The following TG variants were observed in gnomAD, a reference collection of about 807,000 sequenced individuals.
The protein encoded by TG is thyroid hormones.
In TG, 270 loss-of-function variants were observed where a neutral mutation model predicts 324.7. That is an observed-to-expected ratio of 0.83 (90% CI 0.75 to 0.92). The LOEUF (loss-of-function observed/expected upper bound fraction) is 0.92, where lower values mean the gene tolerates loss of function less well. Ranked by LOEUF, TG falls within the 40% of genes least tolerant of loss-of-function variation. The probability of loss-of-function intolerance (pLI) is 0.00; values close to 1 mark genes in which losing one functional copy is unlikely to be tolerated. For missense variants in TG, 3,591 were observed against 3,456.4 expected (o/e 1.04, Z -0.98); for synonymous variants, 1,401 against 1,327.0 (o/e 1.06, Z -1.21).
At chr8:132,942,536 T>C (rs568252098) in intron 26 of TG, among the ~76,000 whole-genome samples, 1 of 152,342 alleles carries the variant, frequency 6.6e-6, no homozygotes, top group South Asian at 2.1e-4. Flanking sequence ...TTGATCACCA[T>C]ATATGTGCAA....
At chr8:132,918,894 T>G (rs1455805467) in intron 20 of TG, among the ~76,000 whole-genome samples, 1 of 152,228 alleles carries the variant, frequency 6.6e-6, no homozygotes, top group Non-Finnish European at 1.5e-5. Flanking sequence ...GAGGCTCAGC[T>G]TTCTCAACTG....
intron 25 of TG, among the ~76,000 whole-genome samples, chr8:132,939,848 T>G (rs1231116853): frequency 6.6e-6 from 1 of 152,058 alleles, no homozygotes; most frequent in Non-Finnish European, 1.5e-5. Context: ...GGCTAATTTT[T>G]GTATTGTTAG....
chr8:133,044,757 C>T (rs1425216075), intron 41 of TG, among the ~76,000 whole-genome samples: 3 of 152,140 alleles, frequency 2.0e-5, no homozygotes, highest in African/African-American at 4.8e-5. Context: ...ATGTACACTT[C>T]GAGAGAGGGC....
At chr8:132,975,961 G>A (rs1830121829) in intron 34 of TG, among the ~76,000 whole-genome samples, 1 of 152,138 alleles carries the variant, frequency 6.6e-6, no homozygotes, top group Middle Eastern at 3.2e-3. Context: ...ACTTTACTGA[G>A]TGTCTGTTTT....
chr8:132,935,672 G>T, intron 24 of TG, 84 bp from the exon 25 acceptor site: 1 of 1,248,516 alleles, frequency 8.0e-7, no homozygotes, highest in Non-Finnish European at 1.2e-6. Context: ...CTGGTGCCTA[G>T]CCATGGTTAG....
At chr8:133,103,398 C>A (rs1045352900) in intron 43 of TG, among the ~76,000 whole-genome samples, 1 of 152,152 alleles carries the variant, frequency 6.6e-6, no homozygotes, top group African/African-American at 2.4e-5. Context: ...CACATTACCC[C>A]TCACAGCTGA....
chr8:132,887,354 A>T lies in TG; in HGVS notation c.1982A>T (p.Asp661Val). ...VRGGQPRCPT[D>V]CEKQRARMQS... ...GGTGGACAGCCAAGGTGCCCCACAGACTGTGAAAAGCAAAGGGCTCGCATG... is the reference window on the plus strand; with the variant it reads ...GGTGGACAGCCAAGGTGCCCCACAGTCTGTGAAAAGCAAAGGGCTCGCATG... The change falls in exon 9 of 48, where the codon GAC becomes GTC. Residue 661 changes from aspartate to valine, a missense_variant. By Grantham distance (152) the Asp-to-Val change is radical. Coordinates refer to ENST00000220616, the MANE Select transcript of TG (RefSeq NM_003235.5). The T allele has an allele frequency of 6.2e-7, 1 of 1,613,686 alleles. No individual in the cohort carries two copies. Among genetic ancestry groups the T allele is most frequent in the Non-Finnish European group, 8.5e-7 (1 of 1,179,636 alleles).
chr8:132,871,834 C>T (rs1048898031), intron 4 of TG, among the ~76,000 whole-genome samples: 5 of 152,130 alleles, frequency 3.3e-5, no homozygotes, highest in Admixed American at 6.5e-5. Flanking sequence ...CTAACTGTCA[C>T]GTGTATAGTA....
chr8:133,031,867 T>A (rs1310694157), intron 41 of TG, among the ~76,000 whole-genome samples: 1 of 152,136 alleles, frequency 6.6e-6, no homozygotes, highest in Non-Finnish European at 1.5e-5. Flanking sequence ...GCCCTACTTT[T>A]CCTTTAGAGA....
chr8:133,001,684 G>C (rs557456193), intron 35 of TG: 2 of 929,198 alleles, frequency 2.2e-6, no homozygotes, highest in Admixed American at 6.2e-5. Context: ...ACAGGGAGAC[G>C]TGAGCTGGGC....
At chr8:132,946,163 T>G (rs1405709896) in intron 26 of TG, among the ~76,000 whole-genome samples, 3 of 152,266 alleles carry the variant, frequency 2.0e-5, no homozygotes, top group Middle Eastern at 3.4e-3. Context: ...TTTCTGAAGA[T>G]ACCACAATTT....
chr8:132,985,889 C>CT (rs1296139704), intron 35 of TG, among the ~76,000 whole-genome samples: 6 of 151,754 alleles, frequency 4.0e-5, no homozygotes, highest in East Asian at 3.9e-4. Context: ...TTTCCTTGTT[C>CT]TTTTTTTTGT....
chr8:132,882,686 T>C (rs1056675844), intron 7 of TG, 74 bp downstream of exon 7: 18 of 1,612,676 alleles, frequency 1.1e-5, no homozygotes, highest in Admixed American at 1.0e-4. Context: ...GTTGCTATGG[T>C]GTGTGTGGCT....
At chr8:133,061,058 T>G (rs989996863) in intron 41 of TG, among the ~76,000 whole-genome samples, 3 of 152,172 alleles carry the variant, frequency 2.0e-5, no homozygotes, top group African/African-American at 7.2e-5. Flanking sequence ...GTCGCCTAGG[T>G]TGGAGTGCAA....
chr8:132,935,833 T>G lies in TG; in HGVS notation c.5010T>G (p.Gly1670=). 1.2e-6 allele frequency: 2 copies of G among 1,612,658 alleles called. No individual in the cohort carries two copies. The highest frequency in any genetic ancestry group is 1.7e-6 in the Non-Finnish European group (2 of 1,180,010). Reference sequence around the variant, plus strand: ...GCCAGGTGAAAGTGAGGAGCCATGGTCAAGATTCTCCAGCTGTGTATTTGA... The same window carrying G: ...GCCAGGTGAAAGTGAGGAGCCATGGGCAAGATTCTCCAGCTGTGTATTTGA... ...LRCQVKVRSH[G]QDSPAVYLKK... is the part of the protein sequence containing the mutation. Residue 1670 remains glycine (G), a synonymous_variant, in exon 25 of 48, where the codon GGT becomes GGG. Transcript: ENST00000220616.
At chr8:132,974,193 C>T (rs1468786000) in intron 34 of TG, among the ~76,000 whole-genome samples, 1 of 151,980 alleles carries the variant, frequency 6.6e-6, no homozygotes, top group Non-Finnish European at 1.5e-5. Flanking sequence ...GGGATTTCAC[C>T]ATGTTAGCCA....
intron 25 of TG, among the ~76,000 whole-genome samples, chr8:132,936,376 C>T (rs1823593710): frequency 6.6e-6 from 1 of 152,194 alleles, no homozygotes; most frequent in African/African-American, 2.4e-5. Context: ...CCTCCCAGGA[C>T]GTTTTCCTCC....
intron 41 of TG, among the ~76,000 whole-genome samples, chr8:133,052,637 T>C (rs1840628842): frequency 6.6e-6 from 1 of 152,210 alleles, no homozygotes; most frequent in Non-Finnish European, 1.5e-5. Flanking sequence ...TTGTGTTAAG[T>C]TTGAAGCCAG....
At chr8:133,131,338 G>A (rs184454102) in intron 45 of TG, among the ~76,000 whole-genome samples, 128 of 152,332 alleles carry the variant, frequency 8.4e-4, no homozygotes, top group African/African-American at 2.9e-3. Context: ...ACTGTGCTGC[G>A]GTGGGCTTCA....
Sources: allele counts gnomAD v4.1 joint callset (sites outside exome capture counted in the v4.1 genomes callset), GRCh38; gene constraint gnomAD v4.1.1; transcripts MANE v1.5; gene names NCBI Gene and HGNC (gene_info 2026-07-23, HGNC 2026-07-21).